The following PTPRM variants were observed in gnomAD, a reference collection of about 807,000 sequenced individuals.
The protein encoded by PTPRM is protein tyrosine phosphatase receptor type M, also known as receptor-type tyrosine-protein phosphatase mu.
A neutral mutation model predicts 186.7 loss-of-function variants in PTPRM; 47 were observed. The observed-to-expected ratio is 0.25, with a 90% CI of 0.20 to 0.32. The LOEUF (loss-of-function observed/expected upper bound fraction) is 0.32. PTPRM is among the 10% of genes least tolerant of loss of function. The pLI is 1.00. For missense variants in PTPRM, 1,494 were observed against 1,865.0 expected (o/e 0.80, Z 3.66); for synonymous variants, 668 against 674.9 (o/e 0.99, Z 0.16).
chr18:7,767,550 C>A (rs1356118889), intron 1 of PTPRM, among the ~76,000 whole-genome samples: 1 of 152,096 alleles, frequency 6.6e-6, no homozygotes, highest in Admixed American at 6.5e-5. Flanking sequence ...TAGCTTATGA[C>A]TTAATGATTT....
At chr18:7,901,202 G>T (rs1315220233) in intron 3 of PTPRM, among the ~76,000 whole-genome samples, 3 of 152,150 alleles carry the variant, frequency 2.0e-5, no homozygotes, top group African/African-American at 4.8e-5. Context: ...AGAGAAAAAA[G>T]ATTATTTTTG....
intron 2 of PTPRM, among the ~76,000 whole-genome samples, chr18:7,797,813 C>A (rs951833302): frequency 2.6e-5 from 4 of 152,196 alleles, no homozygotes; most frequent in Non-Finnish European, 4.4e-5. Flanking sequence ...TGTTCTTTAG[C>A]CACAGTCTTG....
chr18:8,365,145 A>G (rs2095620582), intron 23 of PTPRM, among the ~76,000 whole-genome samples: 1 of 152,142 alleles, frequency 6.6e-6, no homozygotes, highest in Non-Finnish European at 1.5e-5. Context: ...TCCTGGTAAG[A>G]CTGAGGAAAG....
At chr18:8,225,756 A>G (rs1757519082) in intron 14 of PTPRM, among the ~76,000 whole-genome samples, 2 of 152,204 alleles carry the variant, frequency 1.3e-5, no homozygotes, top group Non-Finnish European at 2.9e-5. Context: ...AGGGTAGGGA[A>G]CGTCCTAAAA....
At chr18:7,887,999 T>C in intron 2 of PTPRM, 107 bp from the exon 3 acceptor site, 1 of 1,314,364 alleles carries the variant, frequency 7.6e-7, no homozygotes, top group Non-Finnish European at 1.1e-6. Flanking sequence ...TAAGCCTAAG[T>C]AAGACATGGA....
intron 14 of PTPRM, among the ~76,000 whole-genome samples, chr18:8,225,473 G>T (rs1320749291): frequency 1.3e-5 from 2 of 151,966 alleles, no homozygotes; most frequent in East Asian, 3.9e-4. Flanking sequence ...TGTATTGTCT[G>T]CCCCATGGCT....
chr18:8,160,314 G>T (rs984944718), intron 14 of PTPRM, among the ~76,000 whole-genome samples: 9 of 152,034 alleles, frequency 5.9e-5, no homozygotes, highest in Non-Finnish European at 2.9e-5. Context: ...TGGAGATAGG[G>T]ACTTGCTCTG....
intron 11 of PTPRM, among the ~76,000 whole-genome samples, chr18:8,093,185 A>T (rs2090842425): frequency 6.6e-6 from 1 of 152,098 alleles, no homozygotes; most frequent in African/African-American, 2.4e-5. Flanking sequence ...AAGTCCAAGG[A>T]AAGAGATGTT....
At position 8,242,738 on chromosome 18, in the gene PTPRM, A is replaced by G. The variant is rs939771603; in HGVS notation, c.2301-1320A>G. ...AATATTATTGTAACTACAGGCAAGA[A>G]AGCATTTGGATTATGTGTCATTTAG... On this transcript the variant is annotated intron_variant, in intron 14 of 32. Coordinates refer to ENST00000580170, the MANE Select transcript of PTPRM (RefSeq NM_001105244.2). Among the ~76,000 whole-genome samples, 3 of 152,228 alleles carry G rather than the reference A, an allele frequency of 2.0e-5. No homozygotes were observed. In the East Asian group the frequency reaches 5.8e-4, roughly 29 times the overall value.
At chr18:8,268,827 A>G (rs373140477) in intron 19 of PTPRM, among the ~76,000 whole-genome samples, 6 of 152,218 alleles carry the variant, frequency 3.9e-5, no homozygotes, top group African/African-American at 7.2e-5. Context: ...TATAAATTAT[A>G]TGATCACCTC....
intron 13 of PTPRM, among the ~76,000 whole-genome samples, chr18:8,116,330 T>G (rs2091955741): frequency 6.6e-6 from 1 of 152,264 alleles, no homozygotes; most frequent in Non-Finnish European, 1.5e-5. Flanking sequence ...GAAATCTCTT[T>G]CATGCGTGTG....
intron 4 of PTPRM, among the ~76,000 whole-genome samples, chr18:7,922,950 G>A (rs1568018995): frequency 6.6e-6 from 1 of 152,080 alleles, no homozygotes; most frequent in African/African-American, 2.4e-5. Context: ...TGAGATTTTG[G>A]CACCCGCTAA....
At chr18:7,964,028 A>G (rs961481483) in intron 7 of PTPRM, among the ~76,000 whole-genome samples, 1 of 152,160 alleles carries the variant, frequency 6.6e-6, no homozygotes, top group African/African-American at 2.4e-5. Context: ...CAAATCTCTT[A>G]TATATTTAGT....
chr18:7,859,345 C>G (rs2047239002), intron 2 of PTPRM, among the ~76,000 whole-genome samples: 1 of 152,230 alleles, frequency 6.6e-6, no homozygotes, highest in Non-Finnish European at 1.5e-5. Flanking sequence ...CTGATGCCCA[C>G]TGCATTCTTT....
intron 22 of PTPRM, among the ~76,000 whole-genome samples, chr18:8,331,639 G>A (rs1404054053): frequency 3.3e-4 from 50 of 152,186 alleles, no homozygotes; most frequent in African/African-American, 2.4e-5. Flanking sequence ...CTAGTATAAT[G>A]TATACTCATA....
At chr18:7,983,711 A>G (rs899636030) in intron 7 of PTPRM, among the ~76,000 whole-genome samples, 12 of 152,120 alleles carry the variant, frequency 7.9e-5, no homozygotes, top group African/African-American at 2.7e-4. Flanking sequence ...TACTTGCAAC[A>G]TATTTGCCTG....
intron 1 of PTPRM, among the ~76,000 whole-genome samples, chr18:7,670,931 A>T (rs2039204497): frequency 6.6e-6 from 1 of 152,248 alleles, no homozygotes; most frequent in Non-Finnish European, 1.5e-5. Context: ...GATAGATAAG[A>T]TGATGAAGGT....
At chr18:8,044,692 G>T (rs2086908804) in intron 7 of PTPRM, among the ~76,000 whole-genome samples, 1 of 150,638 alleles carries the variant, frequency 6.6e-6, no homozygotes, top group African/African-American at 2.5e-5. Context: ...AGGAGGCAGA[G>T]GTTGCAGTGA....
At chr18:8,329,113 CAGATTTAAGGTGTCTTA>C (rs2148143530) in intron 22 of PTPRM, among the ~76,000 whole-genome samples, 1 of 152,308 alleles carries the variant, frequency 6.6e-6, no homozygotes, top group Non-Finnish European at 1.5e-5. Flanking sequence ...AGCAAGCACT[CAGATTTAAGGTGTCTTA>C]AAACAAATGC....
Sources: gnomAD v4.1 joint callset for allele counts (sites outside exome capture counted in the v4.1 genomes callset) on GRCh38, gnomAD v4.1.1 for gene constraint, MANE v1.5 for transcripts, NCBI Gene and HGNC (gene_info 2026-07-23, HGNC 2026-07-21) for gene names.